Variants in SRBD1 observed in about 807,000 individuals in gnomAD.
SRBD1 encodes the protein S1 RNA binding domain 1.
In SRBD1, 88 loss-of-function variants were observed where a neutral mutation model predicts 115.3. That is an observed-to-expected ratio of 0.76 (90% CI 0.64 to 0.91). The LOEUF is 0.91. Ranked by LOEUF, SRBD1 falls within the 40% of genes least tolerant of loss-of-function variation. The pLI, the probability that SRBD1 is intolerant of heterozygous loss-of-function variation, is 0.00. For synonymous variants in SRBD1, 509 were observed against 407.7 expected (o/e 1.25, Z -2.99); for missense variants, 1,385 against 1,177.4 (o/e 1.18, Z -2.58).
chr2:45,601,807 C>G (rs1164431240), intron 3 of SRBD1, 96 bp downstream of exon 3: 4 of 1,487,762 alleles, frequency 2.7e-6, no homozygotes, highest in Non-Finnish European at 3.6e-6. Context: ...CAGTTTTTGT[C>G]ATTTACATGC....
chr2:45,535,277 G>A (rs989462728), intron 14 of SRBD1, among the ~76,000 whole-genome samples: 1 of 151,920 alleles, frequency 6.6e-6, no homozygotes, highest in African/African-American at 2.4e-5. Flanking sequence ...ACTATCAATA[G>A]CTGTGCTGAG....
At chr2:45,468,792 C>T (rs914165504) in intron 16 of SRBD1, among the ~76,000 whole-genome samples, 2 of 152,156 alleles carry the variant, frequency 1.3e-5, no homozygotes, top group Non-Finnish European at 2.9e-5. Context: ...ATTCTCATCT[C>T]CAGCTCTGTT....
chr2:45,591,291 C>G (rs768044584), intron 4 of SRBD1, among the ~76,000 whole-genome samples: 1 of 152,174 alleles, frequency 6.6e-6, no homozygotes, highest in East Asian at 1.9e-4. Context: ...ACTGACTCAG[C>G]AGAAGAGGAC....
At chr2:45,412,685 A>G (rs1667638429) in intron 19 of SRBD1, among the ~76,000 whole-genome samples, 1 of 152,226 alleles carries the variant, frequency 6.6e-6, no homozygotes, top group Admixed American at 6.5e-5. Flanking sequence ...TATACTCACT[A>G]AAAGTACATC....
chr2:45,561,996 G>C (rs2104101444), intron 10 of SRBD1, among the ~76,000 whole-genome samples: 1 of 152,018 alleles, frequency 6.6e-6, no homozygotes, highest in African/African-American at 2.4e-5. Context: ...GCATATTTTT[G>C]TTAGTTTATT....
intron 16 of SRBD1, among the ~76,000 whole-genome samples, chr2:45,473,651 A>AT (rs1339476459): frequency 2.0e-5 from 3 of 152,170 alleles, no homozygotes; most frequent in African/African-American, 7.2e-5. Flanking sequence ...TCTATCATTT[A>AT]TTTTTTATCA....
chr2:45,421,510 CAAAAAAAAAAAAAAAAA>C (rs869298079), intron 16 of SRBD1, among the ~76,000 whole-genome samples: 52 of 22,296 alleles, frequency 2.3e-3, no homozygotes, highest in Non-Finnish European at 3.5e-3. Context: ...CCGTCTCAAA[CAAAAAAAAAAAAAAAAA>C]AAAAAAAAAA....
chr2:45,611,112 C>G (rs557856709), intron 1 of SRBD1, 107 bp downstream of exon 1: 2 of 152,268 alleles, frequency 1.3e-5, no homozygotes, highest in African/African-American at 4.8e-5. Context: ...GTGTTATTGC[C>G]CAAATGAGCG....
At chr2:45,462,636 A>C (rs1203624821) in intron 16 of SRBD1, among the ~76,000 whole-genome samples, 1 of 150,744 alleles carries the variant, frequency 6.6e-6, no homozygotes, top group Non-Finnish European at 1.5e-5. Context: ...ACATGGTGAA[A>C]CCCCGTCTGT....
At chr2:45,482,015 T>A (rs145957490) in intron 15 of SRBD1, among the ~76,000 whole-genome samples, 67 of 152,242 alleles carry the variant, frequency 4.4e-4, no homozygotes, top group Non-Finnish European at 6.3e-4. Context: ...CTTTTTAGGA[T>A]GAAGTTATAA....
chr2:45,469,095 C>A (rs1295677696), intron 16 of SRBD1, among the ~76,000 whole-genome samples: 1 of 152,112 alleles, frequency 6.6e-6, no homozygotes, highest in African/African-American at 2.4e-5. Context: ...GAGACCTTTA[C>A]ATATTCTGTA....
chr2:45,605,165 C>G (rs1480245490), intron 2 of SRBD1, among the ~76,000 whole-genome samples, 197 bp downstream of exon 2: 1 of 152,176 alleles, frequency 6.6e-6, no homozygotes, highest in African/African-American at 2.4e-5. Flanking sequence ...TACTTTCTCT[C>G]TCCTTTCGAT....
intron 16 of SRBD1, among the ~76,000 whole-genome samples, chr2:45,476,219 A>AC (rs1669799713): frequency 1.3e-5 from 2 of 152,120 alleles, no homozygotes; most frequent in Non-Finnish European, 2.9e-5. Flanking sequence ...GTACTCCAGG[A>AC]CACTGCCTCT....
At chr2:45,472,978 T>C (rs148430744) in intron 16 of SRBD1, among the ~76,000 whole-genome samples, 240 of 151,756 alleles carry the variant, frequency 1.6e-3, no homozygotes, top group African/African-American at 5.6e-3. Flanking sequence ...TTTAGGAGTG[T>C]CTCTTGCACA....
chr2:45,592,553 G>A (rs1274090278), intron 4 of SRBD1, among the ~76,000 whole-genome samples: 1 of 152,070 alleles, frequency 6.6e-6, no homozygotes, highest in Admixed American at 6.5e-5. Context: ...CTCCTACTCT[G>A]AAGTTTGCCT....
intron 16 of SRBD1, among the ~76,000 whole-genome samples, chr2:45,424,467 C>G (rs1668116767): frequency 6.6e-6 from 1 of 152,026 alleles, no homozygotes. Context: ...TAGCATTGTC[C>G]TCATGTATTC....
At chr2:45,416,220 G>A (rs1418497233) in intron 18 of SRBD1, among the ~76,000 whole-genome samples, 2 of 151,864 alleles carry the variant, frequency 1.3e-5, no homozygotes, top group Non-Finnish European at 2.9e-5. Context: ...CTAGCTATGT[G>A]TTTCTAAGAG....
intron 14 of SRBD1, among the ~76,000 whole-genome samples, chr2:45,525,062 C>T (rs895962898): frequency 3.3e-5 from 5 of 151,804 alleles, no homozygotes; most frequent in African/African-American, 4.8e-5. Context: ...CAACAAATGT[C>T]GGTAGGACTA....
intron 14 of SRBD1, among the ~76,000 whole-genome samples, chr2:45,489,074 T>C (rs1309074178): frequency 2.6e-5 from 4 of 152,208 alleles, no homozygotes; most frequent in African/African-American, 4.8e-5. Flanking sequence ...ATGAGAATAC[T>C]GTCTTACAGC....
Sources: allele counts gnomAD v4.1 joint callset (sites outside exome capture counted in the v4.1 genomes callset), GRCh38; gene constraint gnomAD v4.1.1; transcripts MANE v1.5; gene names NCBI Gene and HGNC (gene_info 2026-07-23, HGNC 2026-07-21).